Variants in FAM81A observed in about 807,000 individuals in gnomAD.
FAM81A encodes family with sequence similarity 81 member A, also known as protein FAM81A.
In FAM81A, 19 loss-of-function variants were observed where a neutral mutation model predicts 46.7. The observed-to-expected ratio is 0.41, with a 90% CI of 0.28 to 0.60. The LOEUF (loss-of-function observed/expected upper bound fraction) is 0.60, where lower values mean the gene tolerates loss of function less well. Ranked by LOEUF, FAM81A falls within the 20% of genes least tolerant of loss-of-function variation. The pLI, the probability that FAM81A is intolerant of heterozygous loss-of-function variation, is 0.34. For missense variants in FAM81A, 377 were observed against 453.5 expected, an observed-to-expected ratio of 0.83 and a Z score of 1.53; for synonymous variants, 183 against 152.9, an observed-to-expected ratio of 1.20 and a Z score of -1.45.
intron 3 of FAM81A, among the ~76,000 whole-genome samples, chr15:59,476,376 C>T (rs2081768481): frequency 6.6e-6 from 1 of 152,094 alleles, no homozygotes; most frequent in Non-Finnish European, 1.5e-5. Flanking sequence ...GCATGAGCCA[C>T]CACGCTTGGT....
intron 3 of FAM81A, among the ~76,000 whole-genome samples, chr15:59,466,920 C>T (rs1314864473): frequency 6.6e-6 from 1 of 152,176 alleles, no homozygotes; most frequent in African/African-American, 2.4e-5. Context: ...CAGCTTTCTG[C>T]ATATGGCTAG....
intron 4 of FAM81A, among the ~76,000 whole-genome samples, chr15:59,502,462 TA>T (rs1333295922): frequency 6.7e-6 from 1 of 148,928 alleles, no homozygotes; most frequent in East Asian, 2.0e-4. Context: ...ATTTTTAACA[TA>T]AAAAAACCAG....
At chr15:59,455,551 G>A (rs750547133) in intron 1 of FAM81A, among the ~76,000 whole-genome samples, 3 of 152,164 alleles carry the variant, frequency 2.0e-5, no homozygotes, top group African/African-American at 4.8e-5. Flanking sequence ...TAGATTCCAC[G>A]TTCTGGCAAA....
chr15:59,496,317 C>T (rs535118345), intron 4 of FAM81A, among the ~76,000 whole-genome samples: 1 of 152,272 alleles, frequency 6.6e-6, no homozygotes, highest in South Asian at 2.1e-4. Flanking sequence ...GTTGAAAAAT[C>T]ACTTGGCGGC....
At chr15:59,468,895 G>A (rs1425576037) in intron 3 of FAM81A, among the ~76,000 whole-genome samples, 1 of 152,210 alleles carries the variant, frequency 6.6e-6, no homozygotes, top group Non-Finnish European at 1.5e-5. Context: ...ATGTGTCCCA[G>A]AGATTCTGGT....
intron 8 of FAM81A, among the ~76,000 whole-genome samples, chr15:59,521,027 T>C (rs1271483258): frequency 6.6e-6 from 1 of 152,222 alleles, no homozygotes; most frequent in African/African-American, 2.4e-5. Context: ...TAAAGGGGTA[T>C]ATGACAGTCT....
intron 3 of FAM81A, among the ~76,000 whole-genome samples, chr15:59,465,311 T>C (rs12440989): frequency 0.36 from 54,968 of 152,108 alleles, 10,694 homozygotes; most frequent in Non-Finnish European, 0.43. Flanking sequence ...CTCACTCTTT[T>C]GCCCAGGCTA....
chr15:59,471,466 A>G (rs1375273830), intron 3 of FAM81A, among the ~76,000 whole-genome samples: 2 of 151,680 alleles, frequency 1.3e-5, no homozygotes, highest in Admixed American at 6.6e-5. Flanking sequence ...TGCATAATTC[A>G]TGTTCTTTTT....
chr15:59,458,599 C>T lies in FAM81A; in HGVS notation c.-28C>T. 1.2e-6 allele frequency: 2 copies of T among 1,613,862 alleles called. No homozygotes were observed. The highest frequency in any genetic ancestry group is 1.7e-6 in the Non-Finnish European group (2 of 1,179,816). On this transcript the variant is annotated 5_prime_UTR_variant, in exon 2 of 9. Coordinates refer to ENST00000288228, the MANE Select transcript of FAM81A (RefSeq NM_152450.3). The stretch of plus-strand genomic sequence containing the variant: ...GCCCAACGGAGCACTGTATTTCCTT[C>T]TCGTGTCACCAAGGAAAGGTATAAT...
At chr15:59,483,823 G>C (rs2081884440) in intron 3 of FAM81A, among the ~76,000 whole-genome samples, 1 of 152,174 alleles carries the variant, frequency 6.6e-6, no homozygotes, top group Non-Finnish European at 1.5e-5. Flanking sequence ...CCCATGGTTA[G>C]GAGTCTCAGG....
intron 4 of FAM81A, among the ~76,000 whole-genome samples, chr15:59,506,108 A>T (rs1207696962): frequency 1.3e-5 from 2 of 152,036 alleles, no homozygotes; most frequent in East Asian, 3.9e-4. Flanking sequence ...CCCTCAGTCC[A>T]CCTGGTCATC....
intron 4 of FAM81A, among the ~76,000 whole-genome samples, chr15:59,492,795 A>G (rs2081995134): frequency 2.0e-5 from 3 of 152,214 alleles, no homozygotes; most frequent in African/African-American, 4.8e-5. Flanking sequence ...GAAACTTAGA[A>G]AAAAGATCTT....
intron 6 of FAM81A, among the ~76,000 whole-genome samples, chr15:59,512,471 C>T (rs1234806670): frequency 7.3e-5 from 1 of 13,664 alleles, no homozygotes; most frequent in Non-Finnish European, 1.9e-4. Flanking sequence ...AACTCCATCT[C>T]AAAAAAAAAA....
At chr15:59,430,425 C>T (rs573035956) in intron 2 of FAM81A, among the ~76,000 whole-genome samples, 16 of 152,136 alleles carry the variant, frequency 1.1e-4, no homozygotes, top group East Asian at 1.9e-4. Flanking sequence ...CCACCATGCC[C>T]GGCTAGTTTT....
At chr15:59,491,192 G>A (rs1028295632) in intron 3 of FAM81A, among the ~76,000 whole-genome samples, 1 of 152,222 alleles carries the variant, frequency 6.6e-6, no homozygotes, top group South Asian at 2.1e-4. Flanking sequence ...AATGGATAAA[G>A]AAGTGTGGTA....
intron 4 of FAM81A, among the ~76,000 whole-genome samples, chr15:59,498,410 T>C (rs1399173061): frequency 6.6e-6 from 1 of 152,222 alleles, no homozygotes; most frequent in Non-Finnish European, 1.5e-5. Context: ...TAATTACTTC[T>C]AATAATTTCT....
chr15:59,492,223 G>A (rs771612563), intron 3 of FAM81A, 48 bp from the exon 4 acceptor site: 1 of 1,385,426 alleles, frequency 7.2e-7, no homozygotes, highest in East Asian at 2.3e-5. Flanking sequence ...TTTTGTGGAA[G>A]CACGTGAATT....
At chr15:59,404,533 T>C (rs2081085975) in intron 2 of FAM81A, among the ~76,000 whole-genome samples, 1 of 152,184 alleles carries the variant, frequency 6.6e-6, no homozygotes, top group Non-Finnish European at 1.5e-5. Context: ...CGACCATAGC[T>C]CACTGTAGCC....
intron 2 of FAM81A, among the ~76,000 whole-genome samples, chr15:59,418,399 G>A (rs567159727): frequency 6.6e-6 from 1 of 152,272 alleles, no homozygotes; most frequent in South Asian, 2.1e-4. Context: ...GCCTTTTCCT[G>A]TTTAGAAAAC....
Sources: allele counts gnomAD v4.1 joint callset (sites outside exome capture counted in the v4.1 genomes callset), GRCh38; gene constraint gnomAD v4.1.1; transcripts MANE v1.5; gene names NCBI Gene and HGNC (gene_info 2026-07-23, HGNC 2026-07-21).